ANK2: variants seen among roughly 807,000 people sequenced by gnomAD.
ANK2 encodes ankyrin 2, also known as ankyrin-2.
ANK2 carries 83 observed loss-of-function variants against 360.5 expected under a neutral mutation model. The ratio of observed to expected loss-of-function variants is 0.23; its 90% CI spans 0.19 to 0.28. The LOEUF is 0.28. Among genes scored for constraint, ANK2 ranks in the 10% least tolerant of loss-of-function variants. The probability of loss-of-function intolerance (pLI) is 1.00; values close to 1 mark genes in which losing one functional copy is unlikely to be tolerated. For missense variants in ANK2, 4,201 were observed against 4,795.7 expected (o/e 0.88, Z 3.66); for synonymous variants, 1,740 against 1,759.5 (o/e 0.99, Z 0.28).
chr4:112,884,195 C>A (rs1226255669), intron 1 of ANK2, among the ~76,000 whole-genome samples: 1 of 151,874 alleles, frequency 6.6e-6, no homozygotes. Flanking sequence ...TTTTGTTATC[C>A]CCAAAATGAA....
intron 2 of ANK2, among the ~76,000 whole-genome samples, chr4:113,041,164 AC>A (rs1406482650): frequency 1.3e-5 from 2 of 152,060 alleles, no homozygotes; most frequent in Non-Finnish European, 2.9e-5. Flanking sequence ...AATGCTCTTT[AC>A]AAAAACTTCA....
At chr4:113,296,467 C>T (rs575294663) in intron 22 of ANK2, among the ~76,000 whole-genome samples, 1 of 152,236 alleles carries the variant, frequency 6.6e-6, no homozygotes. Flanking sequence ...ATATGAGCAA[C>T]CATGTAGTCC....
chr4:112,915,647 T>C (rs995133782), intron 2 of ANK2, among the ~76,000 whole-genome samples: 1 of 151,520 alleles, frequency 6.6e-6, no homozygotes, highest in Non-Finnish European at 1.5e-5. Flanking sequence ...CTCAGCTATT[T>C]GGAAGGCTGA....
At position 113,356,183 on chromosome 4, in the gene ANK2, T is replaced by C. The variant is rs2095757599; in HGVS notation, c.7565T>C (p.Leu2522Pro). ...DPDGSAEDDS[L>P]EQTSLMESSG... ...GATGGCAGTGCTGAGGATGACAGTC[T>C]TGAGCAGACATCGCTCATGGAGAGC... The change falls in exon 38 of 46, where the codon CTT becomes CCT. Residue 2522 changes from leucine (L) to proline (P), a missense_variant. Physicochemically the swap from Leu to Pro is moderately conservative, Grantham distance 98. This residue lies in a region of ANK2 where 2,642 missense variants were observed against 2,714.5 expected (regional missense o/e 0.97). Coordinates refer to ENST00000357077, the MANE Select transcript of ANK2 (RefSeq NM_001148.6). 1 of 1,613,800 alleles carries C rather than the reference T, an allele frequency of 6.2e-7. No homozygotes were observed. The highest frequency in any genetic ancestry group is 8.5e-7 in the Non-Finnish European group (1 of 1,179,922).
chr4:112,987,786 A>C (rs942919873), intron 2 of ANK2, among the ~76,000 whole-genome samples: 1 of 152,132 alleles, frequency 6.6e-6, no homozygotes, highest in Non-Finnish European at 1.5e-5. Context: ...TATATGTATT[A>C]GTTCTATAAC....
intron 2 of ANK2, among the ~76,000 whole-genome samples, chr4:112,930,049 G>A (rs1182260264): frequency 2.0e-5 from 3 of 151,970 alleles, no homozygotes; most frequent in Non-Finnish European, 4.4e-5. Flanking sequence ...TAATGGAGTT[G>A]GTGAATAGGG....
At chr4:113,139,831 G>A (rs2096573818) in intron 1 of ANK2, among the ~76,000 whole-genome samples, 1 of 152,226 alleles carries the variant, frequency 6.6e-6, no homozygotes, top group Admixed American at 6.5e-5. Context: ...AGGCAGCAGT[G>A]TGGAATGAAA....
chr4:113,007,843 C>G (rs1308040121), intron 2 of ANK2, among the ~76,000 whole-genome samples: 1 of 152,086 alleles, frequency 6.6e-6, no homozygotes, highest in Non-Finnish European at 1.5e-5. Flanking sequence ...GGACTGCAAA[C>G]TCAATATGAA....
Position 113,274,481 on chromosome 4 carries a change from C to A in ANK2, c.1515C>A (p.Ser505=), listed in dbSNP as rs2153688043. 1 of 1,614,180 alleles carries A rather than the reference C, an allele frequency of 6.2e-7. No homozygotes were observed. The highest frequency in any genetic ancestry group is 8.5e-7 in the Non-Finnish European group (1 of 1,180,038). ...AACAGACACCTTTACATATTGCCTCCCGCCTGGGTAAGACAGAAATTGTCC... is the reference window on the plus strand; with the variant it reads ...AACAGACACCTTTACATATTGCCTCACGCCTGGGTAAGACAGAAATTGTCC... ...REEQTPLHIA[S]RLGKTEIVQL... Residue 505 remains serine, a synonymous_variant, in exon 15 of 46, where the codon TCC becomes TCA. Coordinates refer to ENST00000357077, the MANE Select transcript of ANK2 (RefSeq NM_001148.6).
the ANK2 span, among the ~76,000 whole-genome samples, chr4:112,778,199 A>T: frequency 6.6e-6 from 1 of 151,284 alleles, no homozygotes; most frequent in Admixed American, 6.6e-5. Context: ...TGAACTCCTG[A>T]CCTCAAGTGA....
rs147515140 is a variant in ANK2 at position 112,839,729 on chromosome 4, A to C, written c.-40+21465A>C. 2.9e-3 allele frequency among the ~76,000 whole-genome samples: 439 copies of C among 152,336 alleles called. 1 individual carries two copies. The highest frequency in any genetic ancestry group is 0.01 in the African/African-American group (416 of 41,588). ...TCAATTGTTTTACAATTAATCCATG[A>C]TATGTCAGTTCAGATGTCAATGACC... On this transcript the variant is annotated intron_variant, in intron 1 of 30. Transcript: ENST00000503271.
chr4:112,914,798 G>GT (rs919641301), intron 2 of ANK2, among the ~76,000 whole-genome samples: 2 of 152,030 alleles, frequency 1.3e-5, no homozygotes, highest in East Asian at 1.9e-4. Context: ...TCCTACCCCT[G>GT]TTTTTTTAGA....
intron 2 of ANK2, among the ~76,000 whole-genome samples, chr4:112,942,630 A>G (rs1381741874): frequency 2.6e-5 from 4 of 151,962 alleles, no homozygotes; most frequent in African/African-American, 9.7e-5. Flanking sequence ...CATATGTGAA[A>G]TATTTATTGG....
rs367892910 is a variant in ANK2 at position 113,282,971 on chromosome 4, A to C, written c.2079+99A>C. ...GGAACAAAAAGGAGCAATGTATTAAAAAGAAACAGGGATATCTTACAGACC... is the reference window on the plus strand; with the variant it reads ...GGAACAAAAAGGAGCAATGTATTAACAAGAAACAGGGATATCTTACAGACC... On this transcript the variant is annotated intron_variant, in intron 18 of 45. Coordinates refer to ENST00000357077, the MANE Select transcript of ANK2 (RefSeq NM_001148.6). The C allele has an allele frequency of 3.1e-5, 41 of 1,335,534 alleles. No individual in the cohort carries two copies. In the African/African-American group the frequency reaches 3.9e-4, roughly 13 times the overall value. 82.7% of individuals were successfully genotyped at this position (1,335,534 alleles called of 1,614,324 possible).
chr4:112,833,677 G>A (rs1420323429), intron 1 of ANK2, among the ~76,000 whole-genome samples: 1 of 152,012 alleles, frequency 6.6e-6, no homozygotes, highest in African/African-American at 2.4e-5. Context: ...CTAATTTTTT[G>A]TATTTTTAGT....
intron 2 of ANK2, among the ~76,000 whole-genome samples, chr4:113,006,056 A>G (rs1398048046): frequency 2.0e-5 from 3 of 152,154 alleles, no homozygotes; most frequent in Admixed American, 6.6e-5. Context: ...TCCTTTATAA[A>G]TTACCATTCT....
intron 2 of ANK2, among the ~76,000 whole-genome samples, chr4:113,009,967 G>A (rs2054191621): frequency 7.2e-6 from 1 of 138,268 alleles, no homozygotes; most frequent in South Asian, 2.1e-4. Context: ...CGTGCTTGTG[G>A]TATAATATGC....
chr4:112,979,937 C>T (rs2042602171), intron 2 of ANK2: 1 of 152,146 alleles, frequency 6.6e-6, no homozygotes, highest in South Asian at 2.1e-4. Context: ...GTAGCCTGGC[C>T]CCAGGCTTCA....
At chr4:113,004,283 A>T (rs913537672) in intron 2 of ANK2, among the ~76,000 whole-genome samples, 6 of 152,202 alleles carry the variant, frequency 3.9e-5, no homozygotes, top group Non-Finnish European at 7.3e-5. Context: ...CATTTAGCTT[A>T]AAATACAGAT....
Sources: allele counts gnomAD v4.1 joint callset (sites outside exome capture counted in the v4.1 genomes callset), GRCh38; gene constraint gnomAD v4.1.1; regional missense constraint gnomAD v4.1.1; transcripts MANE v1.5; gene names NCBI Gene and HGNC (gene_info 2026-07-23, HGNC 2026-07-21).